The following MGA variants were observed in gnomAD, a reference collection of about 807,000 sequenced individuals.
MGA encodes the protein MAX gene-associated protein.
Under a neutral mutation model 261.1 loss-of-function variants are expected in MGA, and 40 were observed. That is an observed-to-expected ratio of 0.15 (90% confidence interval 0.12 to 0.20). The LOEUF is 0.20. MGA is among the 10% of genes least tolerant of loss of function. The pLI, the probability that MGA is intolerant of heterozygous loss-of-function variation, is 1.00. For missense variants in MGA, 3,397 were observed against 3,630.5 expected (o/e 0.94, Z 1.65); for synonymous variants, 1,302 against 1,290.6 (o/e 1.01, Z -0.19).
At chr15:41,656,256 G>T (rs1651386859), upstream of MGA, among the ~76,000 whole-genome samples, 1 of 151,788 alleles carries the variant, frequency 6.6e-6, no homozygotes, top group Admixed American at 6.6e-5. Context: ...AATCTTCTTA[G>T]GCAAGGGTGA....
intron 1 of MGA, among the ~76,000 whole-genome samples, chr15:41,663,623 C>T (rs1389827741): frequency 6.6e-6 from 1 of 152,024 alleles, no homozygotes; most frequent in Non-Finnish European, 1.5e-5. Flanking sequence ...GTGCGCAACA[C>T]GACGCCCGGC....
intron 10 of MGA, among the ~76,000 whole-genome samples, chr15:41,728,627 C>G (rs1595888092): frequency 6.6e-6 from 1 of 152,090 alleles, no homozygotes; most frequent in Admixed American, 6.6e-5. Context: ...TTCATACTAT[C>G]TTCACATGGA....
At chr15:41,656,361 T>A, upstream of MGA, among the ~76,000 whole-genome samples, 1 of 134,666 alleles carries the variant, frequency 7.4e-6, no homozygotes, top group Non-Finnish European at 1.7e-5. Flanking sequence ...TCTCTCTCTC[T>A]CTCTCTCTCT....
At chr15:41,662,415 C>G (rs17677199) in intron 1 of MGA, among the ~76,000 whole-genome samples, 43,751 of 152,102 alleles carry the variant, frequency 0.29, 7,424 homozygotes, top group Admixed American at 0.38. Context: ...AGGCAGTACT[C>G]TCTTACGCAG....
intron 2 of MGA, among the ~76,000 whole-genome samples, chr15:41,678,481 C>T (rs1265660103): frequency 6.6e-6 from 1 of 151,218 alleles, no homozygotes; most frequent in Non-Finnish European, 1.5e-5. Context: ...AAAAGACTGT[C>T]CTGGCCGGGT....
At chr15:41,708,000 T>A in intron 6 of MGA, 104 bp from the exon 7 acceptor site, 1 of 1,360,458 alleles carries the variant, frequency 7.4e-7, no homozygotes, top group Non-Finnish European at 1.0e-6. Context: ...ATAGTTTTGA[T>A]AAGTGATTTA....
At chr15:41,627,245 A>G (rs929152148) in intron 1 of MGA, among the ~76,000 whole-genome samples, 2 of 152,180 alleles carry the variant, frequency 1.3e-5, no homozygotes, top group African/African-American at 4.8e-5. Flanking sequence ...ATTATTAACG[A>G]AAGTCCATAG....
chr15:41,736,097 GT>G (rs1313901458), intron 12 of MGA, 83 bp from the exon 13 acceptor site: 5 of 1,200,334 alleles, frequency 4.2e-6, no homozygotes, highest in Non-Finnish European at 4.5e-6. Flanking sequence ...GAATGTGACA[GT>G]TTTTTTTCAG....
chr15:41,669,922 G>A lies in MGA; in HGVS notation c.1028G>A (p.Ser343Asn), dbSNP rs372531081. The change falls in exon 2 of 24, where the codon AGT (serine) becomes AAT (asparagine). Residue 343 changes from serine to asparagine, a missense_variant. This residue lies in a region of MGA where 563 missense variants were observed against 563.6 expected (regional missense o/e 1.00). Coordinates refer to ENST00000219905, the MANE Select transcript of MGA (RefSeq NM_001164273.2). The stretch of plus-strand genomic sequence containing the variant: ...TTCATGGATACTGATTCAGCACTTA[G>A]TGAAGTTCCTCAATTGAAGCAAGAG... 5.0e-6 allele frequency: 8 copies of A among 1,613,528 alleles called. No homozygotes were observed. The African/African-American group carries it at 1.1e-4, about 22-fold the overall frequency.
chr15:41,764,835 C>T lies in MGA; in HGVS notation c.7745-51C>T, dbSNP rs1260700322. 7 of 1,578,508 alleles carry T rather than the reference C, an allele frequency of 4.4e-6. No homozygotes were observed. The East Asian group carries it at 9.0e-5, about 20-fold the overall frequency. On this transcript the variant is annotated intron_variant, in intron 22 of 23. Transcript: ENST00000219905. ...CTGGGATTACAGGCATGAGCCACCA[C>T]ACCCAGCTGAATGCCTTTTATCTAT...
chr15:41,689,445 A>G (rs1354917617), intron 2 of MGA, among the ~76,000 whole-genome samples: 1 of 151,432 alleles, frequency 6.6e-6, no homozygotes, highest in Non-Finnish European at 1.5e-5. Flanking sequence ...CTCCTTAAAA[A>G]TAAAAAAAGT....
At chr15:41,631,586 G>C (rs1233724480) in intron 1 of MGA, among the ~76,000 whole-genome samples, 1 of 152,208 alleles carries the variant, frequency 6.6e-6, no homozygotes, top group African/African-American at 2.4e-5. Flanking sequence ...AAGTGTGACA[G>C]AGGCACACTT....
At chr15:41,764,768 T>G in intron 22 of MGA, 118 bp from the exon 23 acceptor site, 1 of 1,012,646 alleles carries the variant, frequency 9.9e-7, no homozygotes, top group Non-Finnish European at 1.5e-6. Context: ...GGTCTTGAAC[T>G]CCTGGGCTCA....
chr15:41,718,101 T>C (rs1029739827), intron 9 of MGA, among the ~76,000 whole-genome samples: 8 of 151,496 alleles, frequency 5.3e-5, no homozygotes, highest in Non-Finnish European at 8.8e-5. Flanking sequence ...AAAATACATA[T>C]TAAGGATAGA....
intron 1 of MGA, among the ~76,000 whole-genome samples, chr15:41,640,790 T>C (rs773859192): frequency 8.5e-5 from 13 of 152,224 alleles, no homozygotes; most frequent in Non-Finnish European, 1.6e-4. Flanking sequence ...GTGCTGGGAT[T>C]ATAGGCGTGA....
At chr15:41,665,678 A>C (rs1030595717) in intron 1 of MGA, among the ~76,000 whole-genome samples, 2 of 151,834 alleles carry the variant, frequency 1.3e-5, no homozygotes, top group African/African-American at 4.8e-5. Flanking sequence ...TCATTTCTTT[A>C]TTATAACTTT....
chr15:41,707,579 G>GT (rs748718235), intron 5 of MGA, 149 bp from the exon 6 acceptor site: 15 of 702,024 alleles, frequency 2.1e-5, no homozygotes, highest in Non-Finnish European at 2.9e-5. Flanking sequence ...GCTACAGTTT[G>GT]TTTTTTTCAT....
intron 9 of MGA, among the ~76,000 whole-genome samples, chr15:41,722,222 C>T (rs534410441): frequency 8.8e-5 from 13 of 148,022 alleles, no homozygotes; most frequent in East Asian, 2.0e-4. Context: ...CTCCGCCTCC[C>T]GGGTTCACAC....
chr15:41,673,540 C>CTTTTTT (rs777334913), intron 2 of MGA, among the ~76,000 whole-genome samples: 15 of 118,936 alleles, frequency 1.3e-4, no homozygotes, highest in Admixed American at 2.0e-4. Context: ...TTCTTTCTTT[C>CTTTTTT]TTTTTTTTTT....
Sources: gnomAD v4.1 joint callset for allele counts (sites outside exome capture counted in the v4.1 genomes callset) on GRCh38, gnomAD v4.1.1 for gene constraint, gnomAD v4.1.1 regional missense constraint, MANE v1.5 for transcripts, NCBI Gene and HGNC (gene_info 2026-07-23, HGNC 2026-07-21) for gene names.